The following PRKCB variants were observed in gnomAD, a reference collection of about 807,000 sequenced individuals.
PRKCB encodes the protein protein kinase C beta type.
A neutral mutation model predicts 81.5 loss-of-function variants in PRKCB; 13 were observed. The observed-to-expected ratio is 0.16, with a 90% CI of 0.10 to 0.25. PRKCB has a LOEUF of 0.25. Among genes scored for constraint, PRKCB ranks in the 10% least tolerant of loss-of-function variants. The pLI, the probability that PRKCB is intolerant of heterozygous loss-of-function variation, is 1.00. For missense variants in PRKCB, 509 were observed against 875.7 expected, an observed-to-expected ratio of 0.58 and a Z score of 5.29; for synonymous variants, 335 against 321.4, an observed-to-expected ratio of 1.04 and a Z score of -0.45.
chr16:23,851,341 C>G (rs1962469988), intron 2 of PRKCB, among the ~76,000 whole-genome samples: 1 of 152,174 alleles, frequency 6.6e-6, no homozygotes, highest in Admixed American at 6.5e-5. Flanking sequence ...AAGAGACTGT[C>G]CTTTCCCTCA....
chr16:23,933,810 C>G (rs948212136), intron 2 of PRKCB, among the ~76,000 whole-genome samples: 2 of 144,716 alleles, frequency 1.4e-5, no homozygotes, highest in African/African-American at 5.2e-5. Flanking sequence ...ATCCATCCAC[C>G]CATCCATCCA....
At chr16:23,970,665 G>T (rs1221438891) in intron 2 of PRKCB, among the ~76,000 whole-genome samples, 1 of 152,152 alleles carries the variant, frequency 6.6e-6, no homozygotes, top group South Asian at 2.1e-4. Context: ...TATTTAAAAG[G>T]AATCACGATC....
intron 8 of PRKCB, among the ~76,000 whole-genome samples, chr16:24,115,451 C>A (rs137912102): frequency 6.8e-4 from 96 of 140,624 alleles, no homozygotes; most frequent in Non-Finnish European, 1.3e-3. Context: ...TTATCCCAAG[C>A]GTATTTATCC....
intron 2 of PRKCB, among the ~76,000 whole-genome samples, chr16:23,933,884 T>C: frequency 7.1e-6 from 1 of 140,994 alleles, no homozygotes. Flanking sequence ...ATCCATCATC[T>C]TGTTTGTCAA....
At chr16:24,203,601 T>A (rs1053096228) in intron 16 of PRKCB, among the ~76,000 whole-genome samples, 2 of 152,134 alleles carry the variant, frequency 1.3e-5, no homozygotes, top group African/African-American at 4.8e-5. Context: ...CCACTCCCAA[T>A]AGAAATTCCA....
chr16:24,182,084 G>A (rs1181238199), intron 13 of PRKCB, among the ~76,000 whole-genome samples: 1 of 152,140 alleles, frequency 6.6e-6, no homozygotes, highest in African/African-American at 2.4e-5. Flanking sequence ...TTCCCTATGT[G>A]ATATGCTTTG....
intron 12 of PRKCB, 175 bp downstream of exon 12, chr16:24,174,755 G>T: frequency 3.4e-6 from 2 of 579,882 alleles, no homozygotes; most frequent in Non-Finnish European, 3.1e-6. Context: ...GCAAAGTTTG[G>T]GCAGCTCTAT....
At chr16:23,990,293 C>T (rs1596501225) in intron 3 of PRKCB, among the ~76,000 whole-genome samples, 1 of 151,790 alleles carries the variant, frequency 6.6e-6, no homozygotes, top group South Asian at 2.1e-4. Context: ...CCCGTCTCTA[C>T]TAAAAATACA....
At chr16:23,911,393 G>C (rs1169391622) in intron 2 of PRKCB, among the ~76,000 whole-genome samples, 1 of 151,910 alleles carries the variant, frequency 6.6e-6, no homozygotes, top group Non-Finnish European at 1.5e-5. Flanking sequence ...CTCCCAAAGT[G>C]CTGGGATTAC....
chr16:24,020,677 T>C (rs763329122), intron 3 of PRKCB, among the ~76,000 whole-genome samples: 2 of 152,196 alleles, frequency 1.3e-5, no homozygotes, highest in Non-Finnish European at 2.9e-5. Context: ...CTGCGCTTGT[T>C]AATTTCCCTC....
intron 5 of PRKCB, among the ~76,000 whole-genome samples, chr16:24,051,960 A>C (rs1965848629): frequency 6.6e-6 from 1 of 151,754 alleles, no homozygotes; most frequent in Non-Finnish European, 1.5e-5. Context: ...AAATACAAAA[A>C]TTAGCTGGGC....
rs1358829011 is a variant in PRKCB at position 24,154,870 on chromosome 16, A to G, written c.1239+13A>G. The G allele has an allele frequency of 1.2e-6, 2 of 1,611,152 alleles. No individual in the cohort carries two copies. The highest frequency in any genetic ancestry group is 1.1e-5 in the South Asian group (1 of 90,444). On this transcript the variant is annotated intron_variant, in intron 10 of 16. Transcript: ENST00000643927. ...CTTCCAGACCATGGTAACTTGTCCCATGGCCCTGGGTATTCCACCTCCAGG... is the reference window on the plus strand; with the variant it reads ...CTTCCAGACCATGGTAACTTGTCCCGTGGCCCTGGGTATTCCACCTCCAGG...
At chr16:24,172,012 G>A (rs1967448674) in intron 10 of PRKCB, among the ~76,000 whole-genome samples, 1 of 152,104 alleles carries the variant, frequency 6.6e-6, no homozygotes, top group South Asian at 2.1e-4. Context: ...CAAAGTGCTG[G>A]GATTACAGCT....
chr16:24,157,703 A>G (rs1967183121), intron 10 of PRKCB, among the ~76,000 whole-genome samples: 1 of 148,934 alleles, frequency 6.7e-6, no homozygotes. Flanking sequence ...AGTCACCTCC[A>G]TGCTAGTCAT....
chr16:24,192,762 T>A (rs1221455674), intron 16 of PRKCB, among the ~76,000 whole-genome samples: 1 of 152,152 alleles, frequency 6.6e-6, no homozygotes, highest in Non-Finnish European at 1.5e-5. Flanking sequence ...ACTTTAGGAA[T>A]GAAGTTCTTG....
intron 2 of PRKCB, among the ~76,000 whole-genome samples, chr16:23,877,693 C>G (rs376145147): frequency 2.0e-5 from 3 of 152,318 alleles, no homozygotes; most frequent in East Asian, 1.9e-4. Flanking sequence ...TCATTTCAGT[C>G]TTTAAGCTAA....
At chr16:23,875,484 T>TATATATATATATATATATATAC (rs1962980678) in intron 2 of PRKCB, among the ~76,000 whole-genome samples, 1 of 4,680 alleles carries the variant, frequency 2.1e-4, no homozygotes, top group African/African-American at 7.4e-4. Context: ...TAAAAAGATA[T>TATATATATATATATATATATAC]ATATATATAT....
intron 9 of PRKCB, among the ~76,000 whole-genome samples, chr16:24,126,423 C>T (rs1478517903): frequency 1.3e-5 from 2 of 152,034 alleles, no homozygotes; most frequent in Admixed American, 1.3e-4. Context: ...TAGAGTCTCA[C>T]TCTCTTGTCC....
At chr16:24,058,439 C>T (rs777369259) in intron 5 of PRKCB, among the ~76,000 whole-genome samples, 89 of 151,358 alleles carry the variant, frequency 5.9e-4, no homozygotes, top group African/African-American at 1.4e-3. Flanking sequence ...AAACCAAAAA[C>T]GGTGGGCTGC....
Sources: allele counts gnomAD v4.1 joint callset (sites outside exome capture counted in the v4.1 genomes callset), GRCh38; gene constraint gnomAD v4.1.1; transcripts MANE v1.5; gene names NCBI Gene and HGNC (gene_info 2026-07-23, HGNC 2026-07-21).